The following LRRD1 variants were observed in gnomAD, a reference collection of about 807,000 sequenced individuals.
LRRD1 encodes the protein leucine rich repeats and death domain containing 1, also known as leucine-rich repeat and death domain-containing protein 1.
LRRD1 carries 49 observed loss-of-function variants against 69.5 expected under a neutral mutation model. The observed-to-expected ratio is 0.70, with a 90% CI of 0.56 to 0.89. LRRD1 has a LOEUF of 0.89. LRRD1 is among the 40% of genes least tolerant of loss of function. The pLI is 0.00. For missense variants in LRRD1, 853 were observed against 956.0 expected (o/e 0.89, Z 1.42); for synonymous variants, 303 against 338.9 (o/e 0.89, Z 1.16).
Position 92,153,519 on chromosome 7 carries a change from C to CTTT in LRRD1, c.2117-2827_2117-2825dup, listed in dbSNP as rs1788572058. On this transcript the variant is annotated intron_variant, in intron 3 of 5. Coordinates refer to ENST00000458448, the MANE Select transcript of LRRD1 (RefSeq NM_001161528.2). ...TATTTTCTTCCAATCCATGGCTTTGCTTTTCATTCTTTTAAAAAATGTCTT... is the reference window on the plus strand; with the variant it reads ...TATTTTCTTCCAATCCATGGCTTTGCTTTTTTTCATTCTTTTAAAAAATGTCTT... Among the ~76,000 whole-genome samples the CTTT allele has an allele frequency of 2.0e-5, 3 of 149,022 alleles. No individual in the cohort carries two copies. In the South Asian group the frequency reaches 6.4e-4, roughly 32 times the overall value.
At chr7:92,144,061 C>T (rs757845590), downstream of LRRD1, among the ~76,000 whole-genome samples, 6 of 152,148 alleles carry the variant, frequency 3.9e-5, no homozygotes, top group Admixed American at 1.3e-4. Flanking sequence ...AGGGGAGAGG[C>T]TCACATGACA....
intron 2 of LRRD1, among the ~76,000 whole-genome samples, 189 bp from the exon 3 acceptor site, chr7:92,159,392 C>T (rs1448654475): frequency 2.0e-5 from 3 of 151,994 alleles, no homozygotes; most frequent in Admixed American, 6.6e-5. Flanking sequence ...AGATATTGTG[C>T]GACATCCAAG....
At chr7:92,159,345 C>G in intron 2 of LRRD1, 142 bp from the exon 3 acceptor site, 1 of 601,166 alleles carries the variant, frequency 1.7e-6, no homozygotes, top group Non-Finnish European at 2.7e-6. Flanking sequence ...GTCACAAATT[C>G]TTTGTGACTG....
downstream of LRRD1, chr7:92,144,832 A>G (rs956356238): frequency 3.4e-5 from 36 of 1,057,360 alleles, no homozygotes; most frequent in Non-Finnish European, 4.4e-5. Context: ...GTTCACAAAC[A>G]CAGTTTCAAT....
intron 1 of LRRD1, among the ~76,000 whole-genome samples, chr7:92,173,046 T>A (rs951616848): frequency 2.0e-5 from 3 of 152,076 alleles, no homozygotes; most frequent in Admixed American, 2.0e-4. Context: ...ATCCACTCAT[T>A]TACAGCCATC....
intron 3 of LRRD1, among the ~76,000 whole-genome samples, chr7:92,156,695 T>A (rs1025749163): frequency 5.9e-5 from 9 of 152,252 alleles, no homozygotes; most frequent in African/African-American, 2.2e-4. Context: ...ATTTTTGACC[T>A]AGACAACGTG....
rs1362001852 is a variant in LRRD1 at position 92,150,669 on chromosome 7, C to T, written c.2143G>A (p.Ala715Thr). Residue 715 changes from alanine to threonine, a missense_variant, in exon 4 of 6, where the codon GCT becomes ACT. Transcript: ENST00000458448. ...TTCAGTGAAAAAATATTGTAGATAG[C>T]ACTAGGTAGAGCTGTCAGATTATTT... The part of the protein sequence containing the change: ...SGNNLTALPS[A>T]IYNIFSLKEI... 1.3e-6 allele frequency: 2 copies of T among 1,547,500 alleles called. No individual in the cohort carries two copies. The highest frequency in any genetic ancestry group is 3.9e-5 in the Admixed American group (2 of 50,872).
chr7:92,147,322 C>T (rs1392792418), intron 4 of LRRD1, among the ~76,000 whole-genome samples: 1 of 152,168 alleles, frequency 6.6e-6, no homozygotes, highest in Non-Finnish European at 1.5e-5. Context: ...CCCTCCTCGG[C>T]CTCCCAAAGT....
At chr7:92,168,427 C>T (rs1788971638) in intron 1 of LRRD1, among the ~76,000 whole-genome samples, 1 of 152,140 alleles carries the variant, frequency 6.6e-6, no homozygotes. Flanking sequence ...TGCTTTGTAA[C>T]TTGGCCAAAG....
At chr7:92,142,918 T>C (rs746819356), downstream of LRRD1, 20 of 332,122 alleles carry the variant, frequency 6.0e-5, no homozygotes, top group African/African-American at 1.9e-4. Context: ...GAAAGAACAA[T>C]GCTTCCGCAG....
At position 92,164,913 on chromosome 7, in the gene LRRD1, G is replaced by A. The variant is rs1788874031; in HGVS notation, c.290C>T (p.Ser97Leu). 1 of 1,551,546 alleles carries A rather than the reference G, an allele frequency of 6.4e-7. No individual in the cohort carries two copies. The highest frequency in any genetic ancestry group is 1.2e-5 in the South Asian group (1 of 84,060). Reference sequence around the variant, plus strand: ...CCCAGTTAGTGATGATAAACTCTGTGAAGTTCCTGTTCTAGTGCTTGTTTC... The same window carrying A: ...CCCAGTTAGTGATGATAAACTCTGTAAAGTTCCTGTTCTAGTGCTTGTTTC... ...FSETSTRTGT[S>L]QSLSSLTGRT... The change falls in exon 2 of 6, where the codon TCA becomes TTA. Residue 97 changes from serine to leucine, a missense_variant. Transcript: ENST00000458448.
chr7:92,175,415 G>A lies in LRRD1; in HGVS notation c.-75+3592C>T, dbSNP rs578133062. 2.5e-4 allele frequency among the ~76,000 whole-genome samples: 38 copies of A among 152,106 alleles called. No individual in the cohort carries two copies. The South Asian group carries it at 7.9e-3, about 32-fold the overall frequency. On this transcript the variant is annotated intron_variant, in intron 1 of 5. Coordinates refer to ENST00000458448, the MANE Select transcript of LRRD1 (RefSeq NM_001161528.2). The stretch of plus-strand genomic sequence containing the variant: ...GCAATCCCAGCACTTAGGGAGGCCA[G>A]GGCAGTTGGATCACCCGAGGTCAGG...
Position 92,164,753 on chromosome 7 carries a change from G to C in LRRD1, c.450C>G (p.Ala150=), listed in dbSNP as rs1788867510. ...GADNFTVNLE[A]KGLQEFPKDI... ...CCTTAGGAAATTCCTGTAAACCCTT[G>C]GCCTCAAGGTTAACTGTAAAGTTAT... The change falls in exon 2 of 6, where the codon GCC becomes GCG. Residue 150 remains alanine (A), a synonymous_variant. Transcript: ENST00000458448. 5 of 1,551,012 alleles carry C rather than the reference G, an allele frequency of 3.2e-6. No homozygotes were observed. Among genetic ancestry groups the C allele is most frequent in the Non-Finnish European group, 4.4e-6 (5 of 1,146,744 alleles).
Position 92,146,210 on chromosome 7 carries a change from A to T in LRRD1, c.2279-10T>A. 1 of 1,265,214 alleles carries T rather than the reference A, an allele frequency of 7.9e-7. No individual in the cohort carries two copies. Among genetic ancestry groups the T allele is most frequent in the South Asian group, 1.4e-5 (1 of 70,440 alleles). The allele number at this position is 1,265,214 out of a possible 1,614,324, so 78.4% of individuals were successfully genotyped here. A position where few individuals can be genotyped will look rare whatever the true frequency, so the allele number is the denominator to read the frequency against. On this transcript the variant is annotated splice_polypyrimidine_tract_variant and intron_variant, in intron 4 of 5. Transcript: ENST00000458448. ...TTCTCTAAAATTTTCTCTACGTTTG[A>T]ACATAAAATAAAATGTATATCTTTT...
In LRRD1 at chr7:92,163,485, C is replaced by T. The variant is rs1179395908; in HGVS notation, c.1718G>A (p.Arg573Lys). ...CAAATTTTCTAAAGTACACAATTCT[C>T]TAGGGAAAGTTTCAAATTTATTACA... ...LCCNKFETFP[R>K]ELCTLENLQV... Residue 573 changes from arginine (R) to lysine (K), a missense_variant, in exon 2 of 6, where the codon AGA (arginine) becomes AAA (lysine). Physicochemically the swap from Arg to Lys is conservative, Grantham distance 26. This residue lies in a region of LRRD1 where 739 missense variants were observed against 808.0 expected (regional missense o/e 0.91). Transcript: ENST00000458448. 1.1e-5 allele frequency: 17 copies of T among 1,529,174 alleles called. No homozygotes were observed. In the East Asian group the frequency reaches 4.2e-4, roughly 38 times the overall value. The allele number at this position is 1,529,174 out of a possible 1,614,324, so 94.7% of individuals were successfully genotyped here. A position where few individuals can be genotyped will look rare whatever the true frequency, so the allele number is the denominator to read the frequency against.
intron 1 of LRRD1, among the ~76,000 whole-genome samples, chr7:92,167,328 T>C (rs1032532192): frequency 6.6e-6 from 1 of 151,966 alleles, no homozygotes; most frequent in Non-Finnish European, 1.5e-5. Context: ...TCTCCTGACC[T>C]TGTGATCCAT....
downstream of LRRD1, chr7:92,142,497 C>CA (rs1362164230): frequency 1.1e-5 from 5 of 456,584 alleles, no homozygotes; most frequent in Non-Finnish European, 4.4e-6. Context: ...AGTAGCTCTG[C>CA]AAAAAGATCC....
chr7:92,159,203 G>T lies in LRRD1; in HGVS notation c.1918C>A (p.Leu640Ile). The T allele has an allele frequency of 6.8e-7, 1 of 1,479,996 alleles. No homozygotes were observed. Among genetic ancestry groups the T allele is most frequent in the East Asian group, 2.6e-5 (1 of 37,806 alleles). 91.7% of individuals were successfully genotyped at this position (1,479,996 alleles called of 1,614,324 possible). A position where few individuals can be genotyped will look rare whatever the true frequency, so the allele number is the denominator to read the frequency against. Residue 640 changes from leucine (L) to isoleucine (I), a missense_variant and splice_region_variant, in exon 3 of 6, where the codon CTA becomes ATA. Physicochemically the swap from Leu to Ile is conservative, Grantham distance 5 (BLOSUM62 2). Around this residue, in one of 3 missense-constraint regions of LRRD1, gnomAD observed 739 missense variants for 808.0 expected, o/e 0.91. Transcript: ENST00000458448. ...GATAGCTCTCCTGGAAGTCTTGTTA[G>T]CTGTAACAAAGATTACACAATTATA... The part of the protein sequence containing the change: ...LNISQIKGRK[L>I]TRLPGELSNM...
chr7:92,147,468 T>C (rs907485664), intron 4 of LRRD1, among the ~76,000 whole-genome samples: 20 of 126,484 alleles, frequency 1.6e-4, no homozygotes, highest in Non-Finnish European at 1.5e-4. Flanking sequence ...TTTATGTGCG[T>C]GGGTGTGTTT....
Sources: gnomAD v4.1 joint callset for allele counts (sites outside exome capture counted in the v4.1 genomes callset) on GRCh38, gnomAD v4.1.1 for gene constraint, gnomAD v4.1.1 regional missense constraint, MANE v1.5 for transcripts, NCBI Gene and HGNC (gene_info 2026-07-23, HGNC 2026-07-21) for gene names.